GRM7: variants seen among roughly 807,000 people sequenced by gnomAD.
GRM7 encodes the protein metabotropic glutamate receptor 7.
Under a neutral mutation model 84.5 loss-of-function variants are expected in GRM7, and 35 were observed. The observed-to-expected ratio is 0.41, with a 90% CI of 0.32 to 0.55. The LOEUF (loss-of-function observed/expected upper bound fraction) is 0.55. GRM7 is among the 20% of genes least tolerant of loss of function. GRM7 has a pLI of 0.19. For synonymous variants in GRM7, 487 were observed against 455.1 expected, an observed-to-expected ratio of 1.07 and a Z score of -0.89; for missense variants, 1,003 against 1,194.6, an observed-to-expected ratio of 0.84 and a Z score of 2.36.
At chr3:7,172,122 A>G (rs945762162) in intron 2 of GRM7, among the ~76,000 whole-genome samples, 5 of 152,184 alleles carry the variant, frequency 3.3e-5, no homozygotes, top group African/African-American at 1.2e-4. Flanking sequence ...AAAATAATAC[A>G]GTGTCAGTAA....
At chr3:7,453,695 C>G (rs1188997920) in intron 6 of GRM7, among the ~76,000 whole-genome samples, 1 of 152,062 alleles carries the variant, frequency 6.6e-6, no homozygotes, top group East Asian at 1.9e-4. Context: ...GTGTTCAACT[C>G]TGAACCTTGT....
intron 2 of GRM7, among the ~76,000 whole-genome samples, chr3:7,297,780 TGGACGGCCATTA>T (rs1699862576): frequency 1.3e-5 from 2 of 152,204 alleles, no homozygotes. Context: ...TTGTGCCCCT[TGGACGGCCATTA>T]GGACTTTTCT....
intron 1 of GRM7, among the ~76,000 whole-genome samples, chr3:7,073,244 A>C (rs937175810): frequency 2.0e-5 from 3 of 152,126 alleles, no homozygotes; most frequent in Non-Finnish European, 2.9e-5. Flanking sequence ...CATCCAAGAT[A>C]CAAAAAAAGC....
At chr3:7,230,019 T>C (rs1261965651) in intron 2 of GRM7, among the ~76,000 whole-genome samples, 3 of 150,808 alleles carry the variant, frequency 2.0e-5, no homozygotes, top group Admixed American at 2.0e-4. Flanking sequence ...TTTTGCGTTT[T>C]TAGTAGAGAC....
At chr3:7,197,156 C>T (rs544368464) in intron 2 of GRM7, among the ~76,000 whole-genome samples, 1 of 152,228 alleles carries the variant, frequency 6.6e-6, no homozygotes, top group East Asian at 1.9e-4. Flanking sequence ...GCTCTGGTGA[C>T]ATTGATGCTT....
intron 2 of GRM7, among the ~76,000 whole-genome samples, chr3:7,284,755 CTA>C (rs1699371647): frequency 6.6e-6 from 1 of 151,986 alleles, no homozygotes. Context: ...TATAACAAAA[CTA>C]TTGTTTACTT....
chr3:7,446,450 G>GT lies in GRM7; in HGVS notation c.1175-6144dup, dbSNP rs1183364092. On this transcript the variant is annotated intron_variant, in intron 5 of 9. Coordinates refer to ENST00000357716, the MANE Select transcript of GRM7 (RefSeq NM_000844.4). The stretch of plus-strand genomic sequence containing the variant: ...TTTTGTTGTTGTTGTTTTTGGTCTT[G>GT]TTTTTTTTTTTTTGTTTTTTTTTTT... 5.1e-3 allele frequency among the ~76,000 whole-genome samples: 545 copies of GT among 107,804 alleles called. 1 individual carries two copies. Among genetic ancestry groups the GT allele is most frequent in the East Asian group, 0.012 (49 of 4,060 alleles). The allele number at this position is 107,804 out of a possible 152,430, so 70.7% of individuals were successfully genotyped here.
rs115367517 is a variant in GRM7 at position 7,106,884 on chromosome 3, A to G, written c.520-39568A>G. On this transcript the variant is annotated intron_variant, in intron 1 of 9. Transcript: ENST00000357716. The stretch of plus-strand genomic sequence containing the variant: ...CCCAGTTTTGCCTGCCCAAGATAAC[A>G]TCTAGCAAATGAGAAGAATAAATCA... Among the ~76,000 whole-genome samples the G allele has an allele frequency of 8.1e-3, 1,232 of 152,184 alleles. 13 individuals carry two copies. Among genetic ancestry groups the G allele is most frequent in the African/African-American group, 0.027 (1,135 of 41,560 alleles).
intron 4 of GRM7, among the ~76,000 whole-genome samples, chr3:7,412,985 GAC>G (rs59610581): frequency 0.041 from 6,104 of 148,572 alleles, 389 homozygotes; most frequent in African/African-American, 0.14. Flanking sequence ...AATTCACTAT[GAC>G]ACACACACAC....
rs746479889 is a variant in GRM7, at chr3:6,861,892, C to A, written c.504C>A (p.Ile168=). 25 of 1,610,106 alleles carry A rather than the reference C, an allele frequency of 1.6e-5. No homozygotes were observed. In the Admixed American group the frequency reaches 4.2e-4, roughly 27 times the overall value. The change falls in exon 1 of 10, where the codon ATC becomes ATA. Residue 168 remains isoleucine, a synonymous_variant. Transcript: ENST00000357716. This position sits in a 1 kb window ranked among gnomAD's most constrained non-coding sequence, Gnocchi z 6.4. ...GSSVSIMVAN[I]LRLFQIPQIS... is the part of the protein sequence containing the mutation. ...CGGTCTCCATCATGGTAGCCAACAT[C>A]CTGAGGCTCTTCCAGGTAGGGATGC...
At chr3:7,389,738 A>C (rs1575262752) in intron 4 of GRM7, among the ~76,000 whole-genome samples, 1 of 150,384 alleles carries the variant, frequency 6.6e-6, no homozygotes, top group African/African-American at 2.4e-5. Flanking sequence ...TGAGTCTATG[A>C]GTGTCATTAT....
chr3:7,651,050 C>G (rs963925503), intron 8 of GRM7, among the ~76,000 whole-genome samples: 4 of 149,144 alleles, frequency 2.7e-5, no homozygotes, highest in African/African-American at 7.4e-5. Context: ...GCCTCTTTTT[C>G]TTATTCAACA....
At chr3:7,461,221 T>C (rs1409079113) in intron 6 of GRM7, among the ~76,000 whole-genome samples, 1 of 152,192 alleles carries the variant, frequency 6.6e-6, no homozygotes, top group Non-Finnish European at 1.5e-5. Flanking sequence ...GAAACTAAAA[T>C]AATAGTTAAA....
At chr3:6,898,825 CAAA>C (rs58274974) in intron 1 of GRM7, among the ~76,000 whole-genome samples, 1 of 142,652 alleles carries the variant, frequency 7.0e-6, no homozygotes, top group Non-Finnish European at 1.6e-5. Context: ...CTCAAAAAAA[CAAA>C]AAAAAAAAAT....
rs575037969 is a variant in GRM7, at chr3:7,008,857, G to A, written c.520-137595G>A. On this transcript the variant is annotated intron_variant, in intron 1 of 9. Transcript: ENST00000357716. Reference sequence around the variant, plus strand: ...AGTGAATGAGACTCGAATTCTGTTCGTACTGCACATTAATAGCACAAATTT... The same window carrying A: ...AGTGAATGAGACTCGAATTCTGTTCATACTGCACATTAATAGCACAAATTT... Among the ~76,000 whole-genome samples the A allele has an allele frequency of 8.6e-5, 13 of 152,026 alleles. No individual in the cohort carries two copies. In the East Asian group the frequency reaches 1.4e-3, roughly 16 times the overall value.
chr3:7,167,973 CAAAAAAAAAAAAAAAAAAAAA>C (rs60681836), intron 2 of GRM7, among the ~76,000 whole-genome samples: 29 of 54,632 alleles, frequency 5.3e-4, no homozygotes, highest in Admixed American at 9.7e-4. Flanking sequence ...GACTCTGTCT[CAAAAAAAAAAAAAAAAAAAAA>C]AAAAAAAAAA....
At chr3:7,251,459 G>A (rs1419018580) in intron 2 of GRM7, among the ~76,000 whole-genome samples, 4 of 152,016 alleles carry the variant, frequency 2.6e-5, no homozygotes, top group Non-Finnish European at 4.4e-5. Context: ...ATGAAAATAT[G>A]CATAAAAATA....
At chr3:7,015,620 G>A (rs1695535125) in intron 1 of GRM7, among the ~76,000 whole-genome samples, 1 of 152,208 alleles carries the variant, frequency 6.6e-6, no homozygotes, top group Non-Finnish European at 1.5e-5. Flanking sequence ...CCATCAGGTG[G>A]CAGTTGAGAT....
chr3:7,169,242 A>T (rs1457362410), intron 2 of GRM7, among the ~76,000 whole-genome samples: 1 of 152,172 alleles, frequency 6.6e-6, no homozygotes, highest in Admixed American at 6.5e-5. Flanking sequence ...ACAAAAGAAT[A>T]TCAAAAGTTT....
Sources: allele counts gnomAD v4.1 joint callset (sites outside exome capture counted in the v4.1 genomes callset), GRCh38; gene constraint gnomAD v4.1.1; non-coding constraint Gnocchi (gnomAD v3.1); transcripts MANE v1.5; gene names NCBI Gene and HGNC (gene_info 2026-07-23, HGNC 2026-07-21).